DYNC1H1: variants seen among roughly 807,000 people sequenced by gnomAD.
DYNC1H1 encodes the protein cytoplasmic dynein 1 heavy chain 1.
In DYNC1H1, 51 loss-of-function variants were observed where a neutral mutation model predicts 527.1. That is an observed-to-expected ratio of 0.10 (90% CI 0.08 to 0.12). The LOEUF is 0.12. Ranked by LOEUF, DYNC1H1 falls within the 10% of genes least tolerant of loss-of-function variation. The pLI is 1.00. For synonymous variants in DYNC1H1, 2,189 were observed against 2,278.8 expected, an observed-to-expected ratio of 0.96 and a Z score of 1.12; for missense variants, 2,771 against 5,971.8, an observed-to-expected ratio of 0.46 and a Z score of 17.66.
In DYNC1H1 at chr14:102,038,319, C is replaced by T; in HGVS notation, c.10909-141C>T. On this transcript the variant is annotated intron_variant, in intron 57 of 77. Coordinates refer to ENST00000360184, the MANE Select transcript of DYNC1H1 (RefSeq NM_001376.5). The surrounding 1 kb of genome is among the most constrained non-coding windows in gnomAD (Gnocchi z 7.2). ...GTTCATTTAAATGTAAGTAGCCACACATAGCTAGTGGCCACCACACGCAAG... is the reference window on the plus strand; with the variant it reads ...GTTCATTTAAATGTAAGTAGCCACATATAGCTAGTGGCCACCACACGCAAG... 3 of 1,355,022 alleles carry T rather than the reference C, an allele frequency of 2.2e-6. No homozygotes were observed. The highest frequency in any genetic ancestry group is 3.1e-6 in the Non-Finnish European group (3 of 978,318). The allele number at this position is 1,355,022 out of a possible 1,614,324, so 83.9% of individuals were successfully genotyped here. A position where few individuals can be genotyped will look rare whatever the true frequency, so the allele number is the denominator to read the frequency against.
At chr14:101,999,674 C>T (rs527655564) in intron 16 of DYNC1H1, among the ~76,000 whole-genome samples, 1 of 152,324 alleles carries the variant, frequency 6.6e-6, no homozygotes, top group East Asian at 1.9e-4. Flanking sequence ...TCTTCTATCA[C>T]TGGGGATGTG....
chr14:101,987,435 A>G lies in DYNC1H1; in HGVS notation c.2539-18A>G. Reference sequence around the variant, plus strand: ...AGTGTGAGTGGGTGTTTTAAATATTAAATATTTCTTCCTTCAGGTGGATGA... The same window carrying G: ...AGTGTGAGTGGGTGTTTTAAATATTGAATATTTCTTCCTTCAGGTGGATGA... On this transcript the variant is annotated intron_variant, in intron 8 of 77. Transcript: ENST00000360184. 1 of 1,610,782 alleles carries G rather than the reference A, an allele frequency of 6.2e-7. No homozygotes were observed. The highest frequency in any genetic ancestry group is 8.5e-7 in the Non-Finnish European group (1 of 1,177,550).
At chr14:102,047,115 G>T (rs2048730074) in intron 72 of DYNC1H1, among the ~76,000 whole-genome samples, 1 of 142,768 alleles carries the variant, frequency 7.0e-6, no homozygotes, top group African/African-American at 2.6e-5. Context: ...GGGACTGTGG[G>T]CGTGAGCCAC....
Position 102,009,582 on chromosome 14 carries a change from C to T in DYNC1H1, c.5978-261C>T, listed in dbSNP as rs2048235414. On this transcript the variant is annotated intron_variant, in intron 29 of 77. Transcript: ENST00000360184. ...CCATGACACTCAGGTGTGGTGTTGC[C>T]CAAATAAAATAGTGGTCTCTGCCTC... is the stretch of plus-strand genomic sequence containing the variant. 5 of 494,328 alleles carry T rather than the reference C, an allele frequency of 1.0e-5. No homozygotes were observed. The East Asian group carries it at 1.1e-4, about 11-fold the overall frequency. The allele number at this position is 494,328 out of a possible 1,614,324, so 30.6% of individuals were successfully genotyped here.
chr14:102,038,355 CT>C lies in DYNC1H1; in HGVS notation c.10909-101del. The C allele has an allele frequency of 6.5e-7, 1 of 1,528,882 alleles. No homozygotes were observed. The highest frequency in any genetic ancestry group is 8.8e-7 in the Non-Finnish European group (1 of 1,140,736). 94.7% of individuals were successfully genotyped at this position (1,528,882 alleles called of 1,614,324 possible). A position where few individuals can be genotyped will look rare whatever the true frequency, so the allele number is the denominator to read the frequency against. On this transcript the variant is annotated intron_variant, in intron 57 of 77. Coordinates refer to ENST00000360184, the MANE Select transcript of DYNC1H1 (RefSeq NM_001376.5). The surrounding 1 kb of genome is among the most constrained non-coding windows in gnomAD (Gnocchi z 7.2). ...GCCACCACACGCAAGTGGCGGGTGG[CT>C]TTTGGGAAGGTATGCTTATCCAGAG... is the stretch of plus-strand genomic sequence containing the variant.
intron 72 of DYNC1H1, 176 bp from the exon 73 acceptor site, chr14:102,047,641 G>GTGTTTATATATATATATA: frequency 4.4e-6 from 1 of 228,540 alleles, no homozygotes; most frequent in Non-Finnish European, 7.7e-6. Flanking sequence ...GTGTGTGTGT[G>GTGTTTATATATATATATA]TATATATATA....
chr14:102,043,893 C>T lies in DYNC1H1; in HGVS notation c.12532C>T (p.Arg4178Cys), dbSNP rs2048683016. 3 of 1,614,074 alleles carry T rather than the reference C, an allele frequency of 1.9e-6. No individual in the cohort carries two copies. The highest frequency in any genetic ancestry group is 1.3e-5 in the African/African-American group (1 of 74,936). Residue 4178 changes from arginine (R) to cysteine (C), a missense_variant, in exon 70 of 78, where the codon CGC becomes TGC. Arg to Cys is a radical substitution (Grantham distance 180). Around this residue, in one of 32 missense-constraint regions of DYNC1H1, gnomAD observed 195 missense variants for 428.6 expected, o/e 0.45. Transcript: ENST00000360184. ...RICKSPNERA[R>C]LYFLLAWFHA... is the part of the protein sequence containing the mutation. ...TCACCAGTCTCCCAACGAGCGTGCC[C>T]GCTTGTACTTCCTGCTGGCCTGGTT... is the stretch of plus-strand genomic sequence containing the variant.
Position 102,016,111 on chromosome 14 carries a change from A to G in DYNC1H1, c.7473+25A>G. 1 of 1,582,372 alleles carries G rather than the reference A, an allele frequency of 6.3e-7. No individual in the cohort carries two copies. The highest frequency in any genetic ancestry group is 8.6e-7 in the Non-Finnish European group (1 of 1,165,028). On this transcript the variant is annotated intron_variant, in intron 36 of 77. Coordinates refer to ENST00000360184, the MANE Select transcript of DYNC1H1 (RefSeq NM_001376.5). This position sits in a 1 kb window ranked among gnomAD's most constrained non-coding sequence, Gnocchi z 7.3. Reference sequence around the variant, plus strand: ...GGTCAGGGGGCATCAGGGGCTTCACAGAGCTCACCACTGCGCCAGACCACA... The same window carrying G: ...GGTCAGGGGGCATCAGGGGCTTCACGGAGCTCACCACTGCGCCAGACCACA...
At position 102,002,320 on chromosome 14, in the gene DYNC1H1, AG is replaced by A. The variant is rs1190769259; in HGVS notation, c.4543-215del. Among the ~76,000 whole-genome samples the A allele has an allele frequency of 6.6e-6, 1 of 152,068 alleles. No homozygotes were observed. The highest frequency in any genetic ancestry group is 1.5e-5 in the Non-Finnish European group (1 of 68,016). ...GAGACAGGGTTTCACCATGTTTGCC[AG>A]GCTGGTCTCAAACTTCTGACTTCAA... is the stretch of plus-strand genomic sequence containing the variant. On this transcript the variant is annotated intron_variant, in intron 21 of 77. Coordinates refer to ENST00000360184, the MANE Select transcript of DYNC1H1 (RefSeq NM_001376.5). This position sits in a 1 kb window ranked among gnomAD's most constrained non-coding sequence, Gnocchi z 4.4.
chr14:102,040,504 T>C, intron 63 of DYNC1H1, 94 bp downstream of exon 63: 1 of 1,611,216 alleles, frequency 6.2e-7, no homozygotes, highest in East Asian at 2.2e-5. Flanking sequence ...CAGAATGTTG[T>C]GTCTGCGCTC....
In DYNC1H1 at chr14:102,007,131, C is replaced by T. The variant is rs374438870; in HGVS notation, c.5817+23C>T. Reference sequence around the variant, plus strand: ...CAGGTGAGACACTTTATGGGATCCACCTAAAATGTAATGCCCTGCAGGGAT... The same window carrying T: ...CAGGTGAGACACTTTATGGGATCCATCTAAAATGTAATGCCCTGCAGGGAT... On this transcript the variant is annotated intron_variant, in intron 28 of 77. Coordinates refer to ENST00000360184, the MANE Select transcript of DYNC1H1 (RefSeq NM_001376.5). The T allele has an allele frequency of 4.3e-6, 7 of 1,611,370 alleles. No homozygotes were observed. In the African/African-American group the frequency reaches 8.0e-5, roughly 18 times the overall value.
At position 101,997,150 on chromosome 14, in the gene DYNC1H1, G is replaced by A. The variant is rs2048071941; in HGVS notation, c.3680G>A (p.Arg1227Gln). The change falls in exon 16 of 78, where the codon CGA (arginine) becomes CAA (glutamine). Residue 1227 changes from arginine to glutamine, a missense_variant. Arg to Gln is a conservative substitution (Grantham distance 43). Around this residue, in one of 32 missense-constraint regions of DYNC1H1, gnomAD observed 223 missense variants for 462.5 expected, o/e 0.48. Coordinates refer to ENST00000360184, the MANE Select transcript of DYNC1H1 (RefSeq NM_001376.5). This position sits in a 1 kb window ranked among gnomAD's most constrained non-coding sequence, Gnocchi z 4.8. ...GGAGCCTTCAATGACATCATGCGGC[G>A]AAAGGACTCTGCCATTCAGCAGCAG... is the stretch of plus-strand genomic sequence containing the variant. Reference protein sequence around the residue: ...EWGAFNDIMRRKDSAIQQQVA... With the variant: ...EWGAFNDIMRQKDSAIQQQVA... 2 of 1,614,142 alleles carry A rather than the reference G, an allele frequency of 1.2e-6. No individual in the cohort carries two copies. Among genetic ancestry groups the A allele is most frequent in the Non-Finnish European group, 1.7e-6 (2 of 1,180,036 alleles).
In DYNC1H1 at chr14:102,007,066, G is replaced by C; in HGVS notation, c.5775G>C (p.Arg1925=). 2 of 1,614,238 alleles carry C rather than the reference G, an allele frequency of 1.2e-6. No homozygotes were observed. Among genetic ancestry groups the C allele is most frequent in the Non-Finnish European group, 1.7e-6 (2 of 1,180,036 alleles). The change falls in exon 28 of 78, where the codon CGG becomes CGC. Residue 1925 remains arginine (R), a synonymous_variant. Coordinates refer to ENST00000360184, the MANE Select transcript of DYNC1H1 (RefSeq NM_001376.5). ...AAGCTCTTGGCCATCAGCTTGGACG[G>C]TTTGTTTTAGTTTTCAACTGTGATG... ...SVKALGHQLG[R]FVLVFNCDET...
chr14:102,014,612 G>A (rs1360376201), intron 34 of DYNC1H1, among the ~76,000 whole-genome samples: 2 of 151,842 alleles, frequency 1.3e-5, no homozygotes, highest in Non-Finnish European at 2.9e-5. Context: ...CGCCCGGTGC[G>A]CACCCAGGAC....
At position 102,017,693 on chromosome 14, in the gene DYNC1H1, G is replaced by C. The variant is rs1017365595; in HGVS notation, c.8177+189G>C. 6.1e-6 allele frequency: 7 copies of C among 1,154,738 alleles called. No homozygotes were observed. Among genetic ancestry groups the C allele is most frequent in the African/African-American group, 1.5e-5 (1 of 64,876 alleles). 71.5% of individuals were successfully genotyped at this position (1,154,738 alleles called of 1,614,324 possible). A position where few individuals can be genotyped will look rare whatever the true frequency, so the allele number is the denominator to read the frequency against. ...TTAAAAATAAAAGCATTGGCCGGGC[G>C]CAGTGGCTTACGCCTATAATCCCAG... On this transcript the variant is annotated intron_variant, in intron 40 of 77. Transcript: ENST00000360184. The surrounding 1 kb of genome is among the most constrained non-coding windows in gnomAD (Gnocchi z 4.6).
rs923096226 is a variant in DYNC1H1, at chr14:102,018,987, T to G, written c.8343+371T>G. ...AAGTTTATTGAAATAAAGATTGGACTTTATTCAGAGATGTTATTGAGCCGA... is the reference window on the plus strand; with the variant it reads ...AAGTTTATTGAAATAAAGATTGGACGTTATTCAGAGATGTTATTGAGCCGA... On this transcript the variant is annotated intron_variant, in intron 41 of 77. Transcript: ENST00000360184. The surrounding 1 kb of genome is among the most constrained non-coding windows in gnomAD (Gnocchi z 5.2). Among the ~76,000 whole-genome samples, 3 of 152,192 alleles carry G rather than the reference T, an allele frequency of 2.0e-5. No homozygotes were observed. The highest frequency in any genetic ancestry group is 7.2e-5 in the African/African-American group (3 of 41,440).
In DYNC1H1 at chr14:102,047,574, T is replaced by C. The variant is rs1022000216; in HGVS notation, c.13007-243T>C. 1.2e-4 allele frequency: 37 copies of C among 312,916 alleles called. 3 individuals are homozygous for C. The highest frequency in any genetic ancestry group is 1.0e-3 in the South Asian group (27 of 26,466). 19.4% of individuals were successfully genotyped at this position (312,916 alleles called of 1,614,324 possible). A position where few individuals can be genotyped will look rare whatever the true frequency, so the allele number is the denominator to read the frequency against. On this transcript the variant is annotated intron_variant, in intron 72 of 77. Transcript: ENST00000360184. The stretch of plus-strand genomic sequence containing the variant: ...ATACACACACACACACATATATATA[T>C]ACATACACATACGTATATATATATA...
At chr14:102,031,968 T>G (rs1386516155) in intron 51 of DYNC1H1, among the ~76,000 whole-genome samples, 3 of 152,154 alleles carry the variant, frequency 2.0e-5, no homozygotes, top group African/African-American at 7.2e-5. Context: ...AAATAGTAAA[T>G]ATATTCTTAA....
chr14:102,036,778 G>A lies in DYNC1H1; in HGVS notation c.10908+136G>A, dbSNP rs2152593808. 1 of 1,186,402 alleles carries A rather than the reference G, an allele frequency of 8.4e-7. No homozygotes were observed. The highest frequency in any genetic ancestry group is 1.5e-5 in the African/African-American group (1 of 66,216). 73.5% of individuals were successfully genotyped at this position (1,186,402 alleles called of 1,614,324 possible). A position where few individuals can be genotyped will look rare whatever the true frequency, so the allele number is the denominator to read the frequency against. Reference sequence around the variant, plus strand: ...AAAGCTTTGCGGTGGTTCTGTAATAGATAAATTCAACAGAATCATTATTTG... The same window carrying A: ...AAAGCTTTGCGGTGGTTCTGTAATAAATAAATTCAACAGAATCATTATTTG... On this transcript the variant is annotated intron_variant, in intron 57 of 77. Coordinates refer to ENST00000360184, the MANE Select transcript of DYNC1H1 (RefSeq NM_001376.5). The surrounding 1 kb of genome is among the most constrained non-coding windows in gnomAD (Gnocchi z 5.6).
Sources: allele counts gnomAD v4.1 joint callset (sites outside exome capture counted in the v4.1 genomes callset), GRCh38; gene constraint gnomAD v4.1.1; regional missense constraint gnomAD v4.1.1; non-coding constraint Gnocchi (gnomAD v3.1); transcripts MANE v1.5; gene names NCBI Gene and HGNC (gene_info 2026-07-23, HGNC 2026-07-21).